Variants in PRDM16 observed in about 807,000 individuals in gnomAD.
PRDM16 encodes the protein histone-lysine N-methyltransferase PRDM16.
In PRDM16, 23 loss-of-function variants were observed where a neutral mutation model predicts 110.6. The ratio of observed to expected loss-of-function variants is 0.21; its 90% CI spans 0.15 to 0.29. PRDM16 has a LOEUF of 0.29. Among genes scored for constraint, PRDM16 ranks in the 10% least tolerant of loss-of-function variants. The pLI, the probability that PRDM16 is intolerant of heterozygous loss-of-function variation, is 1.00. For synonymous variants in PRDM16, 799 were observed against 781.8 expected (o/e 1.02, Z -0.37); for missense variants, 1,615 against 1,794.3 (o/e 0.90, Z 1.81).
intron 3 of PRDM16, among the ~76,000 whole-genome samples, chr1:3,250,316 C>G (rs966786823): frequency 6.6e-6 from 1 of 152,202 alleles, no homozygotes; most frequent in East Asian, 1.9e-4. Context: ...CTCGCCACAC[C>G]TGAACTTGCC....
At chr1:3,272,413 C>T (rs1640476372) in intron 3 of PRDM16, among the ~76,000 whole-genome samples, 1 of 152,164 alleles carries the variant, frequency 6.6e-6, no homozygotes, top group Non-Finnish European at 1.5e-5. Context: ...GAAATCCATA[C>T]CCCGGCCCAC....
At chr1:3,284,742 G>A (rs1569992508) in intron 3 of PRDM16, among the ~76,000 whole-genome samples, 1 of 152,222 alleles carries the variant, frequency 6.6e-6, no homozygotes, top group South Asian at 2.1e-4. Flanking sequence ...TTCTAGAAAC[G>A]GCCATGCGTC....
At chr1:3,322,059 GT>G (rs1641768589) in intron 3 of PRDM16, among the ~76,000 whole-genome samples, 3 of 150,800 alleles carry the variant, frequency 2.0e-5, no homozygotes, top group African/African-American at 7.3e-5. Flanking sequence ...TCGTGTGTGT[GT>G]GGGGAGTGCA....
chr1:3,124,637 G>C (rs907570296), intron 1 of PRDM16, among the ~76,000 whole-genome samples: 2 of 152,216 alleles, frequency 1.3e-5, no homozygotes, highest in Non-Finnish European at 2.9e-5. Flanking sequence ...CCACATCTGC[G>C]GTCCTGCCAG....
At chr1:3,118,783 G>A (rs929120698) in intron 1 of PRDM16, among the ~76,000 whole-genome samples, 4 of 152,170 alleles carry the variant, frequency 2.6e-5, no homozygotes, top group Non-Finnish European at 2.9e-5. Flanking sequence ...TAGGGCGTGC[G>A]TGTACACGTT....
intron 1 of PRDM16, among the ~76,000 whole-genome samples, chr1:3,092,291 G>T (rs889673991): frequency 6.9e-6 from 1 of 144,310 alleles, no homozygotes; most frequent in African/African-American, 2.6e-5. Flanking sequence ...GCTGCTCTTC[G>T]TGAGTCCCGA....
At chr1:3,313,357 C>T (rs749389646) in intron 3 of PRDM16, among the ~76,000 whole-genome samples, 15 of 152,158 alleles carry the variant, frequency 9.9e-5, no homozygotes, top group Non-Finnish European at 1.8e-4. Flanking sequence ...GACCGGAGGG[C>T]GGCACTTACC....
chr1:3,335,410 G>A (rs962594608), intron 3 of PRDM16, among the ~76,000 whole-genome samples: 1 of 152,208 alleles, frequency 6.6e-6, no homozygotes, highest in Non-Finnish European at 1.5e-5. Context: ...CCTCCCCTCA[G>A]GGCGTCCGTA....
At chr1:3,124,380 T>G (rs1161793395) in intron 1 of PRDM16, among the ~76,000 whole-genome samples, 1 of 152,250 alleles carries the variant, frequency 6.6e-6, no homozygotes, top group Non-Finnish European at 1.5e-5. Context: ...GAGTGGTTCT[T>G]GGCCTGGCTG....
At chr1:3,142,063 C>T (rs922876561) in intron 1 of PRDM16, among the ~76,000 whole-genome samples, 1 of 152,248 alleles carries the variant, frequency 6.6e-6, no homozygotes, top group African/African-American at 2.4e-5. Context: ...CCATCCACCC[C>T]GCAGGAGCTG....
intron 10 of PRDM16, among the ~76,000 whole-genome samples, chr1:3,416,982 G>A (rs1638282043): frequency 6.6e-6 from 1 of 152,248 alleles, no homozygotes; most frequent in South Asian, 2.1e-4. Flanking sequence ...GGGAGAGGCA[G>A]GGCTGACACT....
Position 3,434,066 on chromosome 1 carries a change from A to G in PRDM16, c.*255A>G. 2.2e-6 allele frequency: 1 copy of G among 451,768 alleles called. No individual in the cohort carries two copies. The highest frequency in any genetic ancestry group is 5.9e-4 in the Middle Eastern group (1 of 1,708). The allele number at this position is 451,768 out of a possible 1,614,324, so 28.0% of individuals were successfully genotyped here. On this transcript the variant is annotated 3_prime_UTR_variant, in exon 17 of 17. Transcript: ENST00000270722. ...GTGACGGCCATGCAGGTGGCCGTCC[A>G]AAGACAGCCAACGGAGCTGCCTCGC... is the stretch of plus-strand genomic sequence containing the variant.
In PRDM16 at chr1:3,142,727, G is replaced by A. The variant is rs572406981; in HGVS notation, c.38-43398G>A. ...GCGGGTAATTACCTGGATGTGGACC[G>A]TATTAACTGGAAGCCCAGATGTTTA... On this transcript the variant is annotated intron_variant, in intron 1 of 16. Transcript: ENST00000270722. Among the ~76,000 whole-genome samples the A allele has an allele frequency of 7.2e-5, 11 of 152,184 alleles. No homozygotes were observed. The South Asian group carries it at 1.7e-3, about 23-fold the overall frequency.
rs935405281 is a variant in PRDM16, at chr1:3,350,025, G to A, written c.439-35127G>A. Among the ~76,000 whole-genome samples the A allele has an allele frequency of 1.3e-5, 2 of 152,194 alleles. No homozygotes were observed. Among genetic ancestry groups the A allele is most frequent in the East Asian group, 3.9e-4 (2 of 5,186 alleles). On this transcript the variant is annotated intron_variant, in intron 3 of 16. Coordinates refer to ENST00000270722, the MANE Select transcript of PRDM16 (RefSeq NM_022114.4). This position sits in a 1 kb window ranked among gnomAD's most constrained non-coding sequence, Gnocchi z 7.1. ...GCCTGGACCTGACTCCTGTCTTTGA[G>A]GGGGGAAGAGGACAGGGCAGAAAAG...
At chr1:3,249,396 A>G (rs966883111) in intron 3 of PRDM16, among the ~76,000 whole-genome samples, 4 of 151,972 alleles carry the variant, frequency 2.6e-5, no homozygotes, top group Non-Finnish European at 5.9e-5. Flanking sequence ...CGGCCTCCCT[A>G]AGCTTGGTTT....
At chr1:3,120,169 C>T (rs956129331) in intron 1 of PRDM16, among the ~76,000 whole-genome samples, 1 of 152,230 alleles carries the variant, frequency 6.6e-6, no homozygotes, top group Admixed American at 6.5e-5. Flanking sequence ...GTTATCAGTT[C>T]GCAGCTTGAA....
intron 1 of PRDM16, among the ~76,000 whole-genome samples, chr1:3,114,457 A>G (rs1642896859): frequency 6.8e-6 from 1 of 146,810 alleles, no homozygotes; most frequent in Non-Finnish European, 1.5e-5. Flanking sequence ...ACGCACACAC[A>G]CGCACACACG....
At chr1:3,393,809 C>T (rs1282060743) in intron 4 of PRDM16, among the ~76,000 whole-genome samples, 1 of 152,242 alleles carries the variant, frequency 6.6e-6, no homozygotes, top group African/African-American at 2.4e-5. Context: ...TCCCGTTCAC[C>T]TCTGACCCCC....
intron 1 of PRDM16, among the ~76,000 whole-genome samples, chr1:3,091,003 C>T (rs759587498): frequency 4.6e-5 from 7 of 150,690 alleles, no homozygotes; most frequent in African/African-American, 4.9e-5. Context: ...AGGAAAGTCA[C>T]GTTTCTCCCC....
Sources: allele counts gnomAD v4.1 joint callset (sites outside exome capture counted in the v4.1 genomes callset), GRCh38; gene constraint gnomAD v4.1.1; non-coding constraint Gnocchi (gnomAD v3.1); transcripts MANE v1.5; gene names NCBI Gene and HGNC (gene_info 2026-07-23, HGNC 2026-07-21).